TNR: variants seen among roughly 807,000 people sequenced by gnomAD.
The protein encoded by TNR is tenascin R, also known as tenascin-R.
Under a neutral mutation model 150.4 loss-of-function variants are expected in TNR, and 45 were observed. The ratio of observed to expected loss-of-function variants is 0.30; its 90% CI spans 0.24 to 0.38. The LOEUF (loss-of-function observed/expected upper bound fraction) is 0.38. Ranked by LOEUF, TNR falls within the 10% of genes least tolerant of loss-of-function variation. The pLI, the probability that TNR is intolerant of heterozygous loss-of-function variation, is 1.00. For missense variants in TNR, 1,544 were observed against 1,759.1 expected (o/e 0.88, Z 2.19); for synonymous variants, 687 against 678.4 (o/e 1.01, Z -0.20).
At chr1:175,662,569 T>C (rs567799653) in intron 1 of TNR, among the ~76,000 whole-genome samples, 1 of 152,318 alleles carries the variant, frequency 6.6e-6, no homozygotes, top group Non-Finnish European at 1.5e-5. Flanking sequence ...TAATGTATGA[T>C]TGATGAATTG....
At chr1:175,548,164 G>T (rs1249238899) in intron 1 of TNR, among the ~76,000 whole-genome samples, 1 of 152,098 alleles carries the variant, frequency 6.6e-6, no homozygotes, top group African/African-American at 2.4e-5. Flanking sequence ...CAGAGGCTCT[G>T]GGCACTTCTG....
At chr1:175,467,794 T>C (rs1288569362) in intron 2 of TNR, among the ~76,000 whole-genome samples, 1 of 152,148 alleles carries the variant, frequency 6.6e-6, no homozygotes, top group Non-Finnish European at 1.5e-5. Flanking sequence ...AAGTGGGGGA[T>C]CTTGAGCTTA....
intron 1 of TNR, among the ~76,000 whole-genome samples, chr1:175,669,308 G>A (rs992546643): frequency 4.6e-5 from 7 of 152,192 alleles, no homozygotes; most frequent in Non-Finnish European, 4.4e-5. Context: ...CCGTTGCCAG[G>A]CACAGGGCCA....
intron 1 of TNR, among the ~76,000 whole-genome samples, chr1:175,718,236 A>G (rs961871): frequency 1 from 151,752 of 152,312 alleles, 75,600 homozygotes; most frequent in East Asian, 1. Flanking sequence ...ACTCCCCAGA[A>G]CTCTGCCCCA....
At chr1:175,343,910 G>T (rs556293854) in intron 18 of TNR, among the ~76,000 whole-genome samples, 1 of 152,326 alleles carries the variant, frequency 6.6e-6, no homozygotes, top group East Asian at 1.9e-4. Context: ...TGGAAGGCAG[G>T]CCTCGAGTAC....
Position 175,530,302 on chromosome 1 carries a change from G to A in TNR, c.-164-1933C>T, listed in dbSNP as rs962928840. On this transcript the variant is annotated intron_variant, in intron 1 of 22. Transcript: ENST00000367674. ...CCAGAGGGAACGTTGGAGGTGTCCTGCATTGAAAAAGGATCCAGGTCTTAG... is the reference window on the plus strand; with the variant it reads ...CCAGAGGGAACGTTGGAGGTGTCCTACATTGAAAAAGGATCCAGGTCTTAG... Among the ~76,000 whole-genome samples the A allele has an allele frequency of 4.6e-5, 7 of 152,244 alleles. No homozygotes were observed. In the South Asian group the frequency reaches 1.2e-3, roughly 27 times the overall value.
At chr1:175,505,964 C>T (rs1658942931) in intron 2 of TNR, among the ~76,000 whole-genome samples, 1 of 152,214 alleles carries the variant, frequency 6.6e-6, no homozygotes, top group African/African-American at 2.4e-5. Context: ...CACTTGACTC[C>T]AGGAGGTGGA....
chr1:175,609,832 C>T (rs1013422275), intron 1 of TNR, among the ~76,000 whole-genome samples: 12 of 152,040 alleles, frequency 7.9e-5, no homozygotes, highest in South Asian at 6.2e-4. Context: ...ATCAGAAGGA[C>T]AAGAACAGAG....
chr1:175,650,787 T>TCACCAATAACC (rs1419806190), intron 1 of TNR, among the ~76,000 whole-genome samples: 2 of 33,630 alleles, frequency 5.9e-5, no homozygotes, highest in Admixed American at 3.2e-4. Context: ...TCATTACTCC[T>TCACCAATAACC]CCTCCCCCAT....
At chr1:175,539,047 C>T (rs914838483) in intron 1 of TNR, 3 of 152,238 alleles carry the variant, frequency 2.0e-5, no homozygotes, top group Non-Finnish European at 4.4e-5. Context: ...CTTGAAGACA[C>T]ACATAATGAC....
chr1:175,352,755 A>AAT (rs1651115522), intron 18 of TNR, among the ~76,000 whole-genome samples: 1 of 152,232 alleles, frequency 6.6e-6, no homozygotes, highest in Non-Finnish European at 1.5e-5. Flanking sequence ...TGCTCATTTA[A>AAT]GATACTTTGT....
chr1:175,365,271 G>A lies in TNR; in HGVS notation c.2326C>T (p.Pro776Ser), dbSNP rs1651780701. 2.5e-6 allele frequency: 4 copies of A among 1,604,156 alleles called. No homozygotes were observed. The highest frequency in any genetic ancestry group is 3.4e-5 in the Admixed American group (2 of 59,564). Residue 776 changes from proline (P) to serine (S), a missense_variant, in exon 12 of 23, where the codon CCC becomes TCC. Pro to Ser is a moderately conservative substitution (Grantham distance 74). This residue lies in a region of TNR where 1,254 missense variants were observed against 1,329.4 expected (regional missense o/e 0.94). Transcript: ENST00000367674. ...STVDAFTGFR[P>S]ISHLHFSHVT... is the part of the protein sequence containing the mutation. ...TGAGAAAAGTGCAGATGAGAGATGG[G>A]ACGGAAGCCTGCAAAGCAAAGGAGA...
At chr1:175,571,145 C>A (rs1254780298) in intron 1 of TNR, among the ~76,000 whole-genome samples, 1 of 152,210 alleles carries the variant, frequency 6.6e-6, no homozygotes, top group Non-Finnish European at 1.5e-5. Context: ...GTCCGCAACC[C>A]ATCCTGGAGT....
intron 20 of TNR, among the ~76,000 whole-genome samples, chr1:175,332,167 A>G (rs773873519): frequency 5.3e-5 from 8 of 152,176 alleles, no homozygotes; most frequent in Non-Finnish European, 1.2e-4. Context: ...GAGTCACTTC[A>G]TCCTGGAAGC....
At chr1:175,467,457 C>T (rs1657082701) in intron 2 of TNR, among the ~76,000 whole-genome samples, 1 of 152,170 alleles carries the variant, frequency 6.6e-6, no homozygotes, top group African/African-American at 2.4e-5. Context: ...TGGAGAATTT[C>T]CACTTTAAAA....
At chr1:175,462,987 G>C (rs1361764599) in intron 2 of TNR, among the ~76,000 whole-genome samples, 1 of 152,196 alleles carries the variant, frequency 6.6e-6, no homozygotes, top group Non-Finnish European at 1.5e-5. Context: ...TTTAGAAACT[G>C]TTTCTGTAGA....
rs141653540 is a variant in TNR, at chr1:175,534,923, T to C, written c.-164-6554A>G. The stretch of plus-strand genomic sequence containing the variant: ...GTTCTCAGGAGATTTGATGGTTTTA[T>C]AAGGGGCTTTTCCCCCTTTGCTTGA... On this transcript the variant is annotated intron_variant, in intron 1 of 22. Coordinates refer to ENST00000367674, the MANE Select transcript of TNR (RefSeq NM_003285.3). Among the ~76,000 whole-genome samples the C allele has an allele frequency of 4.9e-3, 746 of 152,354 alleles. 10 individuals are homozygous for C. The highest frequency in any genetic ancestry group is 0.039 in the Admixed American group (590 of 15,304).
chr1:175,393,731 A>T, intron 6 of TNR, 49 bp downstream of exon 6: 1 of 1,457,052 alleles, frequency 6.9e-7, no homozygotes, highest in African/African-American at 1.4e-5. Context: ...AGCTAAAGGT[A>T]CAAATATTCC....
At chr1:175,371,634 T>G in intron 9 of TNR, among the ~76,000 whole-genome samples, 1 of 151,852 alleles carries the variant, frequency 6.6e-6, no homozygotes, top group Admixed American at 6.6e-5. Context: ...TGGTAAAGAG[T>G]TATGCAAGTA....
Sources: allele counts gnomAD v4.1 joint callset (sites outside exome capture counted in the v4.1 genomes callset), GRCh38; gene constraint gnomAD v4.1.1; regional missense constraint gnomAD v4.1.1; transcripts MANE v1.5; gene names NCBI Gene and HGNC (gene_info 2026-07-23, HGNC 2026-07-21).